CDH13: variants seen among roughly 807,000 people sequenced by gnomAD.
CDH13 encodes cadherin-13.
Under a neutral mutation model 63.8 loss-of-function variants are expected in CDH13, and 24 were observed. That is an observed-to-expected ratio of 0.38 (90% CI 0.27 to 0.53). The LOEUF is 0.53. Ranked by LOEUF, CDH13 falls within the 20% of genes least tolerant of loss-of-function variation. CDH13 has a pLI of 0.85. For missense variants in CDH13, 1,049 were observed against 903.1 expected, an observed-to-expected ratio of 1.16 and a Z score of -2.07; for synonymous variants, 503 against 355.3, an observed-to-expected ratio of 1.42 and a Z score of -4.67.
chr16:83,170,584 A>G (rs1334817558), intron 4 of CDH13, among the ~76,000 whole-genome samples: 1 of 152,172 alleles, frequency 6.6e-6, no homozygotes, highest in Non-Finnish European at 1.5e-5. Context: ...AAATTGTTGG[A>G]AGTTTGAACA....
intron 3 of CDH13, among the ~76,000 whole-genome samples, chr16:83,051,476 C>G (rs1009484145): frequency 1.3e-5 from 2 of 152,128 alleles, no homozygotes; most frequent in East Asian, 1.9e-4. Flanking sequence ...AAACCTGGTA[C>G]TAGGAATTTC....
chr16:82,684,707 GA>G (rs1466152194), intron 1 of CDH13, among the ~76,000 whole-genome samples: 5 of 151,988 alleles, frequency 3.3e-5, no homozygotes, highest in African/African-American at 1.2e-4. Context: ...TTTTCCAAAT[GA>G]TTGAGTGCTT....
chr16:83,651,173 A>G (rs889016601), intron 8 of CDH13, among the ~76,000 whole-genome samples: 1 of 152,190 alleles, frequency 6.6e-6, no homozygotes, highest in African/African-American at 2.4e-5. Flanking sequence ...TAAGTAGTTT[A>G]GATAACAAGG....
At chr16:82,807,416 A>C (rs569137613) in intron 1 of CDH13, among the ~76,000 whole-genome samples, 1 of 152,298 alleles carries the variant, frequency 6.6e-6, no homozygotes, top group South Asian at 2.1e-4. Context: ...GAGGTCTGGT[A>C]GCTGAGAATA....
intron 6 of CDH13, among the ~76,000 whole-genome samples, chr16:83,387,766 A>G (rs990395709): frequency 3.9e-5 from 6 of 152,178 alleles, no homozygotes; most frequent in African/African-American, 7.2e-5. Context: ...ATATGTGACC[A>G]TCTTAGGATG....
At chr16:83,204,908 C>G (rs1204683137) in intron 4 of CDH13, among the ~76,000 whole-genome samples, 1 of 152,214 alleles carries the variant, frequency 6.6e-6, no homozygotes, top group Non-Finnish European at 1.5e-5. Context: ...GTTCCTAATG[C>G]TTTCGCCCAC....
At chr16:83,768,170 G>A (rs1914525194) in intron 11 of CDH13, among the ~76,000 whole-genome samples, 1 of 151,860 alleles carries the variant, frequency 6.6e-6, no homozygotes, top group African/African-American at 2.4e-5. Context: ...CTAATCATAT[G>A]TAGATTTTTA....
intron 8 of CDH13, among the ~76,000 whole-genome samples, chr16:83,666,015 C>T (rs1913916678): frequency 6.6e-6 from 1 of 152,168 alleles, no homozygotes. Flanking sequence ...AGTACATAGT[C>T]CCAACAGGCC....
chr16:83,120,487 A>G (rs993727268), intron 3 of CDH13, among the ~76,000 whole-genome samples: 31 of 152,210 alleles, frequency 2.0e-4, no homozygotes, highest in Non-Finnish European at 4.3e-4. Context: ...ACATTTAGAC[A>G]TACATTGTCA....
At chr16:83,188,366 T>A (rs1169898228) in intron 4 of CDH13, among the ~76,000 whole-genome samples, 5 of 152,082 alleles carry the variant, frequency 3.3e-5, no homozygotes, top group Non-Finnish European at 5.9e-5. Context: ...TTGAAAAGAT[T>A]TGTCGGGGGA....
intron 5 of CDH13, among the ~76,000 whole-genome samples, chr16:83,317,398 T>G (rs1046057000): frequency 1.3e-5 from 2 of 152,144 alleles, no homozygotes; most frequent in African/African-American, 4.8e-5. Flanking sequence ...TATGCTTGTG[T>G]TACATCTGCT....
chr16:83,000,621 G>A (rs1289928396), intron 2 of CDH13, among the ~76,000 whole-genome samples: 5 of 137,134 alleles, frequency 3.6e-5, no homozygotes, highest in Middle Eastern at 4.3e-3. Flanking sequence ...AGGGAGTCTC[G>A]TTCTGTTGCC....
rs3052591 is a variant in CDH13, at chr16:83,301,025, G to GTTTTTTTTTTTTTTTTTTTTTTTTTTTTT, written c.637-43813_637-43812insTTTTTTTTTTTTTTTTTTTTTTTTTTTTT. On this transcript the variant is annotated intron_variant, in intron 5 of 13. Transcript: ENST00000567109. ...GAACTGATACATATAACTTTCTGGG[G>GTTTTTTTTTTTTTTTTTTTTTTTTTTTTT]TTTTTTTTTTTTTTTTTTTTTTTTG... Among the ~76,000 whole-genome samples, 3 of 78,756 alleles carry GTTTTTTTTTTTTTTTTTTTTTTTTTTTTT rather than the reference G, an allele frequency of 3.8e-5. 1 individual carries two copies. Among genetic ancestry groups the GTTTTTTTTTTTTTTTTTTTTTTTTTTTTT allele is most frequent in the Non-Finnish European group, 2.2e-5 (1 of 46,366 alleles). The allele number at this position is 78,756 out of a possible 152,430, so 51.7% of individuals were successfully genotyped here.
intron 6 of CDH13, among the ~76,000 whole-genome samples, chr16:83,391,874 G>C (rs947577854): frequency 2.6e-5 from 4 of 152,106 alleles, no homozygotes; most frequent in African/African-American, 9.7e-5. Context: ...AAAATATTTG[G>C]GGTTTGAGTG....
chr16:82,923,868 G>A (rs2042229320), intron 2 of CDH13, among the ~76,000 whole-genome samples: 1 of 152,166 alleles, frequency 6.6e-6, no homozygotes. Flanking sequence ...TCCTAGGTTG[G>A]GAATTGGGAT....
At chr16:82,803,090 T>C (rs1443595098) in intron 1 of CDH13, among the ~76,000 whole-genome samples, 1 of 152,202 alleles carries the variant, frequency 6.6e-6, no homozygotes, top group Admixed American at 6.5e-5. Flanking sequence ...TTTCCAGGTT[T>C]ATAAAAAGGC....
chr16:82,918,664 A>G (rs1448269989), intron 2 of CDH13, among the ~76,000 whole-genome samples: 3 of 152,022 alleles, frequency 2.0e-5, no homozygotes, highest in African/African-American at 7.3e-5. Context: ...ACCCACTGCC[A>G]CGCCTGGCTA....
At chr16:83,159,736 A>G (rs113749936) in intron 4 of CDH13, among the ~76,000 whole-genome samples, 13 of 152,284 alleles carry the variant, frequency 8.5e-5, no homozygotes, top group Admixed American at 1.3e-4. Flanking sequence ...CCGCCTGTCA[A>G]GCATATAAAA....
At chr16:83,375,272 A>C (rs1397783097) in intron 6 of CDH13, among the ~76,000 whole-genome samples, 1 of 152,346 alleles carries the variant, frequency 6.6e-6, no homozygotes, top group Middle Eastern at 3.4e-3. Context: ...TAAGGAACAA[A>C]TTGATTTTTA....
Sources: gnomAD v4.1 joint callset for allele counts (sites outside exome capture counted in the v4.1 genomes callset) on GRCh38, gnomAD v4.1.1 for gene constraint, MANE v1.5 for transcripts, NCBI Gene and HGNC (gene_info 2026-07-23, HGNC 2026-07-21) for gene names.